SCAPER: variants seen among roughly 807,000 people sequenced by gnomAD.
SCAPER encodes S phase cyclin A-associated protein in the endoplasmic reticulum.
Under a neutral mutation model 182.2 loss-of-function variants are expected in SCAPER, and 98 were observed. That is an observed-to-expected ratio of 0.54 (90% CI 0.46 to 0.64). The LOEUF is 0.64. SCAPER is among the 30% of genes least tolerant of loss of function. The probability of loss-of-function intolerance (pLI) is 0.00; values close to 1 mark genes in which losing one functional copy is unlikely to be tolerated. For missense variants in SCAPER, 1,432 were observed against 1,690.0 expected, an observed-to-expected ratio of 0.85 and a Z score of 2.68; for synonymous variants, 605 against 564.6, an observed-to-expected ratio of 1.07 and a Z score of -1.01.
chr15:76,585,883 C>T (rs1265651768), intron 22 of SCAPER, among the ~76,000 whole-genome samples: 1 of 152,124 alleles, frequency 6.6e-6, no homozygotes, highest in Admixed American at 6.5e-5. Flanking sequence ...AGTGCAAAAA[C>T]AGGAGCTGCT....
At chr15:76,783,709 C>A (rs551080471) in intron 8 of SCAPER, among the ~76,000 whole-genome samples, 1 of 152,156 alleles carries the variant, frequency 6.6e-6, no homozygotes, top group Non-Finnish European at 1.5e-5. Flanking sequence ...GGCTTCATCC[C>A]TGGGATGCAA....
intron 20 of SCAPER, among the ~76,000 whole-genome samples, chr15:76,687,107 C>A (rs1402985079): frequency 6.6e-6 from 1 of 151,862 alleles, no homozygotes; most frequent in Non-Finnish European, 1.5e-5. Context: ...ACATAAATAG[C>A]AAATATTGAT....
intron 28 of SCAPER, among the ~76,000 whole-genome samples, chr15:76,377,678 T>C (rs1397465597): frequency 6.6e-6 from 1 of 152,200 alleles, no homozygotes; most frequent in East Asian, 1.9e-4. Flanking sequence ...ATCAGACTCT[T>C]TGCTGAAGAG....
At position 76,800,299 on chromosome 15, in the gene SCAPER, G is replaced by A; in HGVS notation, c.560C>T (p.Ser187Leu). 6.2e-7 allele frequency: 1 copy of A among 1,613,198 alleles called. No homozygotes were observed. The highest frequency in any genetic ancestry group is 8.5e-7 in the Non-Finnish European group (1 of 1,179,634). ...SPGRHVIPSP[S>L]TDRINVTSNA... ...TGATGTTACATTTATTCTATCTGTT[G>A]ATGGACTTGGAATCACATGGCGTCC... The change falls in exon 7 of 32, where the codon TCA (serine) becomes TTA (leucine). Residue 187 changes from serine to leucine, a missense_variant. By Grantham distance (145) the Ser-to-Leu change is moderately radical (BLOSUM62 -2). Transcript: ENST00000563290.
At chr15:76,879,708 C>A (rs977102764) in intron 2 of SCAPER, among the ~76,000 whole-genome samples, 3 of 152,152 alleles carry the variant, frequency 2.0e-5, no homozygotes, top group Non-Finnish European at 2.9e-5. Context: ...AGAGAGTATT[C>A]CTCTTAGCCC....
rs542011079 is a variant in SCAPER, at chr15:76,510,892, C to T, written c.2839-5918G>A. Among the ~76,000 whole-genome samples the T allele has an allele frequency of 3.2e-3, 478 of 150,836 alleles. 3 individuals carry two copies. The highest frequency in any genetic ancestry group is 0.011 in the African/African-American group (461 of 40,360). ...GTGTGTGTGTGTGTGTGTGTGTGCG[C>T]GCGCGCACGTATGGAATACTACTCA... On this transcript the variant is annotated intron_variant, in intron 23 of 31. Transcript: ENST00000563290.
intron 18 of SCAPER, among the ~76,000 whole-genome samples, chr15:76,705,340 T>C (rs1356788965): frequency 2.2e-5 from 3 of 135,774 alleles, no homozygotes; most frequent in African/African-American, 5.6e-5. Context: ...TAGATGGGAA[T>C]TGAACAATGA....
At chr15:76,884,019 A>C (rs1201373806) in intron 1 of SCAPER, 143 bp from the exon 2 acceptor site, 6 of 514,522 alleles carry the variant, frequency 1.2e-5, no homozygotes, top group African/African-American at 4.0e-5. Flanking sequence ...GTTGGGGTAT[A>C]ATATAGCATG....
intron 20 of SCAPER, among the ~76,000 whole-genome samples, chr15:76,686,884 A>T (rs905190979): frequency 6.6e-6 from 1 of 152,180 alleles, no homozygotes; most frequent in Non-Finnish European, 1.5e-5. Context: ...ATTCAAAAAA[A>T]TCAAAATATA....
chr15:76,893,903 G>T (rs1262249612), intron 1 of SCAPER, among the ~76,000 whole-genome samples: 1 of 152,092 alleles, frequency 6.6e-6, no homozygotes, highest in Non-Finnish European at 1.5e-5. Context: ...AAAACTTATG[G>T]AATACAATAA....
At chr15:76,792,786 G>C (rs2065083239) in intron 8 of SCAPER, among the ~76,000 whole-genome samples, 1 of 152,190 alleles carries the variant, frequency 6.6e-6, no homozygotes, top group African/African-American at 2.4e-5. Flanking sequence ...AACTGTCATA[G>C]CTGACACCAT....
In SCAPER at chr15:76,364,843, A is replaced by G. The variant is rs186804859; in HGVS notation, c.3856-10703T>C. ...TCATCTCTGAGGGGATCAATCCTCA[A>G]GTTCTTGGGTCCCTCCTGACCTGGA... On this transcript the variant is annotated intron_variant, in intron 29 of 31. Coordinates refer to ENST00000563290, the MANE Select transcript of SCAPER (RefSeq NM_020843.4). 3.2e-3 allele frequency among the ~76,000 whole-genome samples: 483 copies of G among 151,942 alleles called. 3 individuals are homozygous for G. Among genetic ancestry groups the G allele is most frequent in the South Asian group, 0.016 (75 of 4,796 alleles).
intron 8 of SCAPER, among the ~76,000 whole-genome samples, chr15:76,776,300 C>A (rs1408785108): frequency 1.3e-5 from 2 of 152,152 alleles, no homozygotes; most frequent in East Asian, 3.9e-4. Flanking sequence ...TTAGCAATAT[C>A]CACTCTACTG....
intron 2 of SCAPER, among the ~76,000 whole-genome samples, chr15:76,870,026 T>C (rs1285005642): frequency 6.6e-6 from 1 of 152,094 alleles, no homozygotes; most frequent in Non-Finnish European, 1.5e-5. Flanking sequence ...CTCCCTCATA[T>C]GTTGGAGCTA....
intron 21 of SCAPER, among the ~76,000 whole-genome samples, chr15:76,651,814 GAAAAA>G (rs200721516): frequency 1.0e-5 from 1 of 99,456 alleles, no homozygotes; most frequent in South Asian, 3.5e-4. Flanking sequence ...AGGCACAATG[GAAAAA>G]AAAAAAAAAA....
rs113155571 is a variant in SCAPER, at chr15:76,472,526, C to T, written c.2955-1191G>A. Among the ~76,000 whole-genome samples the T allele has an allele frequency of 3.7e-3, 569 of 152,194 alleles. 2 individuals are homozygous for T. Among genetic ancestry groups the T allele is most frequent in the Non-Finnish European group, 5.9e-3 (398 of 67,994 alleles). ...AATTACATGAACCTGCCACCATGCA[C>T]GGCTAATTTTTGTATTTTTAGTAGA... On this transcript the variant is annotated intron_variant, in intron 24 of 31. Transcript: ENST00000563290.
chr15:76,610,908 C>A (rs1325809502), intron 22 of SCAPER, among the ~76,000 whole-genome samples: 1 of 152,044 alleles, frequency 6.6e-6, no homozygotes, highest in Non-Finnish European at 1.5e-5. Context: ...TACAGAAATA[C>A]AAATAACAAT....
At chr15:76,595,557 A>C (rs1371903638) in intron 22 of SCAPER, among the ~76,000 whole-genome samples, 1 of 121,430 alleles carries the variant, frequency 8.2e-6, no homozygotes, top group Non-Finnish European at 2.0e-5. Context: ...TGACCACATA[A>C]TTGGAAATAA....
intron 17 of SCAPER, among the ~76,000 whole-genome samples, chr15:76,716,335 A>G (rs778307320): frequency 1.3e-5 from 2 of 152,282 alleles, no homozygotes; most frequent in African/African-American, 2.4e-5. Flanking sequence ...CCCACTCTGT[A>G]AAGTTGGAAA....
Sources: gnomAD v4.1 joint callset for allele counts (sites outside exome capture counted in the v4.1 genomes callset) on GRCh38, gnomAD v4.1.1 for gene constraint, MANE v1.5 for transcripts, NCBI Gene and HGNC (gene_info 2026-07-23, HGNC 2026-07-21) for gene names.